The following DAB1 variants were observed in gnomAD, a reference collection of about 807,000 sequenced individuals.
DAB1 encodes the protein disabled homolog 1.
A neutral mutation model predicts 64.6 loss-of-function variants in DAB1; 15 were observed. The ratio of observed to expected loss-of-function variants is 0.23; its 90% CI spans 0.16 to 0.36. The LOEUF is 0.36. Ranked by LOEUF, DAB1 falls within the 10% of genes least tolerant of loss-of-function variation. The pLI is 1.00. For missense variants in DAB1, 596 were observed against 706.7 expected (o/e 0.84, Z 1.78); for synonymous variants, 235 against 251.9 (o/e 0.93, Z 0.64).
At chr1:57,839,975 C>A (rs749915955) in intron 1 of DAB1, among the ~76,000 whole-genome samples, 1 of 152,078 alleles carries the variant, frequency 6.6e-6, no homozygotes, top group Non-Finnish European at 1.5e-5. Flanking sequence ...ATGGAGGGAG[C>A]CTTCCATGTG....
intron 7 of DAB1, among the ~76,000 whole-genome samples, chr1:57,502,421 T>C (rs1212029018): frequency 2.6e-5 from 4 of 151,636 alleles, no homozygotes; most frequent in Non-Finnish European, 5.9e-5. Flanking sequence ...GCAGGGCGAA[T>C]AAAGAATATG....
intron 7 of DAB1, among the ~76,000 whole-genome samples, chr1:57,475,785 G>A (rs1643928280): frequency 2.0e-5 from 3 of 152,218 alleles, no homozygotes; most frequent in South Asian, 4.1e-4. Flanking sequence ...CTCCATTATA[G>A]ACTGTGAGCT....
chr1:57,254,694 C>G (rs536802186), intron 2 of DAB1, among the ~76,000 whole-genome samples: 88 of 151,944 alleles, frequency 5.8e-4, no homozygotes, highest in African/African-American at 2.0e-3. Flanking sequence ...TCTTTTGTTG[C>G]TAAGCAATGA....
intron 6 of DAB1, among the ~76,000 whole-genome samples, chr1:57,711,700 C>T (rs1647031774): frequency 1.3e-5 from 2 of 152,188 alleles, no homozygotes; most frequent in East Asian, 3.9e-4. Context: ...TCTTTTTAGT[C>T]AGTTTCCTAG....
rs929409881 is a variant in DAB1 at position 58,029,787 on chromosome 1, T to C, written n.387+120724A>G. 6.6e-5 allele frequency among the ~76,000 whole-genome samples: 10 copies of C among 152,344 alleles called. No individual in the cohort carries two copies. In the South Asian group the frequency reaches 1.2e-3, roughly 19 times the overall value. ...TAATGGGTATTTGCTTTAAATATTA[T>C]GCTATAGCCATACAATAAAAAAGTA... is the stretch of plus-strand genomic sequence containing the variant. On this transcript the variant is annotated intron_variant and non_coding_transcript_variant, in intron 5 of 20. Transcript: ENST00000485760.
At chr1:57,493,764 TCA>T (rs397963642) in intron 7 of DAB1, among the ~76,000 whole-genome samples, 116 of 147,554 alleles carry the variant, frequency 7.9e-4, no homozygotes, top group Middle Eastern at 3.5e-3. Context: ...TATTCACAGC[TCA>T]CACACACACA....
intron 7 of DAB1, among the ~76,000 whole-genome samples, chr1:57,583,818 C>T (rs1253079126): frequency 6.6e-6 from 1 of 152,182 alleles, no homozygotes; most frequent in African/African-American, 2.4e-5. Context: ...TCTCCATCTT[C>T]TCTGGTACAA....
rs1651464052 is a variant in DAB1 at position 57,071,546 on chromosome 1, C to T, written c.534G>A (p.Lys178=). 1 of 1,613,920 alleles carries T rather than the reference C, an allele frequency of 6.2e-7. No individual in the cohort carries two copies. Among genetic ancestry groups the T allele is most frequent in the Non-Finnish European group, 8.5e-7 (1 of 1,179,910 alleles). The change falls in exon 6 of 15, where the codon AAG becomes AAA. Residue 178 remains lysine (K), a synonymous_variant. Coordinates refer to ENST00000371236, the MANE Select transcript of DAB1 (RefSeq NM_001365792.1). ...CCTGGTACACAGCTTGTTCACACTG[C>T]TTATCCTTTTGTGCCTTTTTTTCTA... ...EELEKKAQKD[K]QCEQAVYQTI... is the part of the protein sequence containing the mutation.
chr1:58,172,710 G>A (rs868264957), intron 4 of DAB1, among the ~76,000 whole-genome samples: 12 of 152,216 alleles, frequency 7.9e-5, no homozygotes, highest in African/African-American at 2.4e-4. Flanking sequence ...AATGGGATAC[G>A]AAGGGCAGGT....
chr1:58,536,465 T>G (rs767923421), intron 1 of DAB1: 7 of 775,388 alleles, frequency 9.0e-6, no homozygotes, highest in Non-Finnish European at 1.6e-5. Context: ...TTTCCTACTT[T>G]GAGTGTTATA....
chr1:57,649,842 C>A (rs1348240441), intron 6 of DAB1, among the ~76,000 whole-genome samples: 1 of 152,168 alleles, frequency 6.6e-6, no homozygotes, highest in Non-Finnish European at 1.5e-5. Context: ...CAAATACAGA[C>A]CACTGTGCGT....
intron 6 of DAB1, among the ~76,000 whole-genome samples, chr1:57,780,524 A>G (rs1176294908): frequency 6.6e-6 from 1 of 152,152 alleles, no homozygotes; most frequent in Non-Finnish European, 1.5e-5. Flanking sequence ...CTATCTGGGT[A>G]ATATGTTACA....
chr1:57,969,648 G>A (rs1273991183), intron 5 of DAB1, among the ~76,000 whole-genome samples: 1 of 152,166 alleles, frequency 6.6e-6, no homozygotes, highest in Non-Finnish European at 1.5e-5. Flanking sequence ...CTCAGTGTAA[G>A]CTAAGTTAAA....
chr1:57,627,712 A>G (rs1406659502), intron 7 of DAB1, among the ~76,000 whole-genome samples: 1 of 152,238 alleles, frequency 6.6e-6, no homozygotes, highest in African/African-American at 2.4e-5. Flanking sequence ...AAGGGGCCTA[A>G]GTAGGATTTG....
At chr1:58,075,281 G>A (rs1422279224) in intron 5 of DAB1, among the ~76,000 whole-genome samples, 1 of 152,168 alleles carries the variant, frequency 6.6e-6, no homozygotes, top group Non-Finnish European at 1.5e-5. Flanking sequence ...AAAATACTCT[G>A]GGATTCCTTA....
chr1:57,499,912 C>T (rs148872153), intron 7 of DAB1, among the ~76,000 whole-genome samples: 85 of 152,324 alleles, frequency 5.6e-4, no homozygotes, highest in Admixed American at 5.3e-3. Context: ...TTCATATCTG[C>T]ATTGCCCATG....
chr1:57,707,354 CTTTT>C (rs71051249), intron 6 of DAB1, among the ~76,000 whole-genome samples: 1 of 141,824 alleles, frequency 7.1e-6, no homozygotes. Context: ...AAATAAGAAA[CTTTT>C]TTTTTTTTTT....
chr1:57,659,805 C>T (rs925083978), intron 6 of DAB1, among the ~76,000 whole-genome samples: 17 of 151,802 alleles, frequency 1.1e-4, no homozygotes, highest in Admixed American at 1.1e-3. Flanking sequence ...GGTGAAACCC[C>T]ATCTCTACTA....
intron 4 of DAB1, among the ~76,000 whole-genome samples, chr1:58,173,386 A>G (rs1041982444): frequency 6.6e-6 from 1 of 152,140 alleles, no homozygotes; most frequent in Non-Finnish European, 1.5e-5. Context: ...AAAAATCATC[A>G]TCTCTTCCCT....
Sources: gnomAD v4.1 joint callset for allele counts (sites outside exome capture counted in the v4.1 genomes callset) on GRCh38, gnomAD v4.1.1 for gene constraint, MANE v1.5 for transcripts, NCBI Gene and HGNC (gene_info 2026-07-23, HGNC 2026-07-21) for gene names.